ADGRB1: variants seen among roughly 807,000 people sequenced by gnomAD.
ADGRB1 encodes brain-specific angiogenesis inhibitor 1.
Under a neutral mutation model 175.7 loss-of-function variants are expected in ADGRB1, and 36 were observed. That is an observed-to-expected ratio of 0.20 (90% CI 0.16 to 0.27). The LOEUF (loss-of-function observed/expected upper bound fraction) is 0.27, where lower values mean the gene tolerates loss of function less well. Among genes scored for constraint, ADGRB1 ranks in the 10% least tolerant of loss-of-function variants. The pLI, the probability that ADGRB1 is intolerant of heterozygous loss-of-function variation, is 1.00. For synonymous variants in ADGRB1, 1,054 were observed against 979.4 expected (o/e 1.08, Z -1.42); for missense variants, 1,731 against 2,255.3 (o/e 0.77, Z 4.71).
rs774450860 is a variant in ADGRB1, at chr8:142,464,962, G to A, written c.764G>A (p.Arg255Gln). 2.2e-5 allele frequency: 33 copies of A among 1,521,306 alleles called. No individual in the cohort carries two copies. The highest frequency in any genetic ancestry group is 1.1e-4 in the South Asian group (9 of 82,674). The allele number at this position is 1,521,306 out of a possible 1,614,324, so 94.2% of individuals were successfully genotyped here. A position where few individuals can be genotyped will look rare whatever the true frequency, so the allele number is the denominator to read the frequency against. ...ENCLTSLTQDRGGHGATGGWK... is the reference protein window; with the variant it reads ...ENCLTSLTQDQGGHGATGGWK... Reference sequence around the variant, plus strand: ...TGCCTCACCAGCCTGACCCAGGACCGGGGCGGGCACGGCGCCACAGGTGAG... The same window carrying A: ...TGCCTCACCAGCCTGACCCAGGACCAGGGCGGGCACGGCGCCACAGGTGAG... Residue 255 changes from arginine (R) to glutamine (Q), a missense_variant, in exon 2 of 31, where the codon CGG (arginine) becomes CAG (glutamine). By Grantham distance (43) the Arg-to-Gln change is conservative. This residue lies in a region of ADGRB1 where 383 missense variants were observed against 383.1 expected (regional missense o/e 1.00). Transcript: ENST00000517894.
rs368648821 is a variant in ADGRB1, at chr8:142,500,145, C to T, written c.2675+9330C>T. 6.2e-3 allele frequency among the ~76,000 whole-genome samples: 941 copies of T among 152,112 alleles called. 10 individuals carry two copies. The highest frequency in any genetic ancestry group is 0.031 in the Middle Eastern group (9 of 294). The stretch of plus-strand genomic sequence containing the variant: ...CGCCAGTCCCATGGCTGCCGTCCGG[C>T]GCTGCCTGGGATCGGGGCAGGCAGG... On this transcript the variant is annotated intron_variant, in intron 17 of 30. Coordinates refer to ENST00000517894, the MANE Select transcript of ADGRB1 (RefSeq NM_001702.3).
In ADGRB1 at chr8:142,543,599, A is replaced by G; in HGVS notation, c.4450-2A>G. 6.4e-7 allele frequency: 1 copy of G among 1,571,770 alleles called. No homozygotes were observed. Among genetic ancestry groups the G allele is most frequent in the South Asian group, 1.2e-5 (1 of 86,060 alleles). ...GACTCACTGCCCAGACCCCGCCTGC[A>G]GAAGATCATGCACACCCGGAAGCGG... On this transcript the variant is annotated splice_acceptor_variant, in intron 29 of 30. Transcript: ENST00000517894. LOFTEE classifies it high-confidence loss of function. The surrounding 1 kb of genome is among the most constrained non-coding windows in gnomAD (Gnocchi z 4.4).
intron 25 of ADGRB1, among the ~76,000 whole-genome samples, chr8:142,533,913 G>T (rs1844777372): frequency 6.6e-6 from 1 of 152,216 alleles, no homozygotes; most frequent in South Asian, 2.1e-4. Flanking sequence ...GCCACGATTG[G>T]GATGCTCTTG....
intron 18 of ADGRB1, among the ~76,000 whole-genome samples, chr8:142,512,946 CGGCT>C (rs1843183463): frequency 6.7e-6 from 1 of 149,858 alleles, no homozygotes; most frequent in Non-Finnish European, 1.5e-5. Flanking sequence ...GGGGAGGAAG[CGGCT>C]GCTCTGTGGG....
chr8:142,500,020 CCTGTAGGGCTGGCTCCTGGGCCATGT>C (rs1415009075), intron 17 of ADGRB1, among the ~76,000 whole-genome samples: 6 of 152,186 alleles, frequency 3.9e-5, no homozygotes, highest in East Asian at 1.9e-4. Flanking sequence ...TGGAGCCCTG[CCTGTAGGGCTGGCTCCTGGGCCATGT>C]CTGAGCCTCC....
intron 17 of ADGRB1, among the ~76,000 whole-genome samples, chr8:142,497,654 C>T (rs1387106306): frequency 6.6e-6 from 1 of 152,210 alleles, no homozygotes; most frequent in Non-Finnish European, 1.5e-5. Context: ...TGGAGTGCTG[C>T]TCTCAAAGAT....
At chr8:142,529,263 T>G (rs992066437) in intron 24 of ADGRB1, among the ~76,000 whole-genome samples, 6 of 151,922 alleles carry the variant, frequency 3.9e-5, no homozygotes, top group African/African-American at 1.2e-4. Flanking sequence ...ACCAGGTATG[T>G]GTGTATGAGT....
At chr8:142,468,208 G>C (rs1840387651) in intron 2 of ADGRB1, among the ~76,000 whole-genome samples, 1 of 150,706 alleles carries the variant, frequency 6.6e-6, no homozygotes, top group South Asian at 2.1e-4. Context: ...AAGTGTGGGT[G>C]CGTGTGTGTG....
At chr8:142,470,408 T>C (rs1400657155) in intron 2 of ADGRB1, among the ~76,000 whole-genome samples, 1 of 152,054 alleles carries the variant, frequency 6.6e-6, no homozygotes, top group East Asian at 1.9e-4. Flanking sequence ...TGTGTGTGTG[T>C]CCCTATGTGT....
At chr8:142,465,354 GC>G (rs1840217050) in intron 2 of ADGRB1, among the ~76,000 whole-genome samples, 2 of 152,308 alleles carry the variant, frequency 1.3e-5, no homozygotes. Flanking sequence ...GAGAGGGCCC[GC>G]CCTTTCTCTC....
chr8:142,542,856 C>T lies in ADGRB1; in HGVS notation c.4413+209C>T, dbSNP rs368164300. On this transcript the variant is annotated intron_variant, in intron 28 of 30. Transcript: ENST00000517894. This position sits in a 1 kb window ranked among gnomAD's most constrained non-coding sequence, Gnocchi z 6.3. ...TAGGCTTGGCAGGGTGGTCTCACCC[C>T]GTTTCAAAGGGGCTCAGGGACCCAC... Among the ~76,000 whole-genome samples, 256 of 152,298 alleles carry T rather than the reference C, an allele frequency of 1.7e-3. 3 individuals carry two copies. Among genetic ancestry groups the T allele is most frequent in the African/African-American group, 5.1e-3 (212 of 41,588 alleles).
chr8:142,498,128 C>G (rs1242559796), intron 17 of ADGRB1, among the ~76,000 whole-genome samples: 1 of 152,152 alleles, frequency 6.6e-6, no homozygotes, highest in Non-Finnish European at 1.5e-5. Context: ...TCCACGTGCT[C>G]CAGGCTGTCT....
At chr8:142,462,133 A>G (rs1040767978) in intron 1 of ADGRB1, among the ~76,000 whole-genome samples, 32 of 152,216 alleles carry the variant, frequency 2.1e-4, no homozygotes, top group African/African-American at 7.5e-4. Context: ...GCATCTTCCC[A>G]GGTCTGCCAC....
chr8:142,467,918 G>A (rs1340283035), intron 2 of ADGRB1, among the ~76,000 whole-genome samples: 1 of 152,212 alleles, frequency 6.6e-6, no homozygotes, highest in Non-Finnish European at 1.5e-5. Context: ...GTATTCTTAG[G>A]CAGGGAGACT....
chr8:142,513,836 C>T (rs544328779), intron 18 of ADGRB1, among the ~76,000 whole-genome samples: 5 of 152,076 alleles, frequency 3.3e-5, no homozygotes, highest in South Asian at 2.1e-4. Context: ...TGGGCACAGG[C>T]GTGGGCTCAG....
At chr8:142,512,959 G>T (rs1332965906) in intron 18 of ADGRB1, among the ~76,000 whole-genome samples, 1 of 152,022 alleles carries the variant, frequency 6.6e-6, no homozygotes. Context: ...CTGCTCTGTG[G>T]GACAGCAGCG....
intron 13 of ADGRB1, among the ~76,000 whole-genome samples, chr8:142,486,273 A>G (rs1460385803): frequency 6.6e-6 from 1 of 152,154 alleles, no homozygotes; most frequent in Non-Finnish European, 1.5e-5. Context: ...GCATCTGTTT[A>G]TGCAAACCAG....
intron 19 of ADGRB1, among the ~76,000 whole-genome samples, chr8:142,519,531 G>A (rs1843638386): frequency 6.6e-6 from 1 of 152,044 alleles, no homozygotes; most frequent in South Asian, 2.1e-4. Context: ...AATGGTGATG[G>A]TGGGGGTGGT....
rs1430454485 is a variant in ADGRB1, at chr8:142,455,176, C to A, written c.-220+5072C>A. Among the ~76,000 whole-genome samples the A allele has an allele frequency of 1.3e-5, 2 of 150,616 alleles. No homozygotes were observed. Among genetic ancestry groups the A allele is most frequent in the Non-Finnish European group, 3.0e-5 (2 of 67,682 alleles). On this transcript the variant is annotated intron_variant, in intron 1 of 30. Transcript: ENST00000517894. The surrounding 1 kb of genome is among the most constrained non-coding windows in gnomAD (Gnocchi z 4.9). ...GCACCCTGCCGCCGGCACCACACTG[C>A]ACCATCATTCCTATCTGACCCCACC... is the stretch of plus-strand genomic sequence containing the variant.
Sources: allele counts gnomAD v4.1 joint callset (sites outside exome capture counted in the v4.1 genomes callset), GRCh38; gene constraint gnomAD v4.1.1; regional missense constraint gnomAD v4.1.1; non-coding constraint Gnocchi (gnomAD v3.1); transcripts MANE v1.5; gene names NCBI Gene and HGNC (gene_info 2026-07-23, HGNC 2026-07-21).